ARPC2: variants seen among roughly 807,000 people sequenced by gnomAD.
The protein encoded by ARPC2 is actin-related protein 2/3 complex subunit 2.
Under a neutral mutation model 38.6 loss-of-function variants are expected in ARPC2, and 4 were observed. The observed-to-expected ratio is 0.10, with a 90% CI of 0.05 to 0.24. ARPC2 has a LOEUF of 0.24. Among genes scored for constraint, ARPC2 ranks in the 10% least tolerant of loss-of-function variants. ARPC2 has a pLI of 1.00. For synonymous variants in ARPC2, 125 were observed against 140.8 expected, an observed-to-expected ratio of 0.89 and a Z score of 0.79; for missense variants, 229 against 387.3, an observed-to-expected ratio of 0.59 and a Z score of 3.43.
intron 3 of ARPC2, among the ~76,000 whole-genome samples, chr2:218,228,231 C>T (rs369173530): frequency 2.0e-5 from 3 of 151,952 alleles, no homozygotes; most frequent in Non-Finnish European, 4.4e-5. Context: ...AGTGAAACCC[C>T]GTCTGTACTA....
intron 10 of ARPC2, among the ~76,000 whole-genome samples, chr2:218,252,589 A>C (rs1470771076): frequency 6.6e-6 from 1 of 152,202 alleles, no homozygotes; most frequent in African/African-American, 2.4e-5. Context: ...GTAGAGGCCA[A>C]GAGGTAAACT....
chr2:218,222,082 A>G (rs1689395156), intron 2 of ARPC2, among the ~76,000 whole-genome samples: 1 of 152,190 alleles, frequency 6.6e-6, no homozygotes. Context: ...AGCCTGGCCA[A>G]CATGACAAAA....
chr2:218,253,002 C>A (rs1690230590), intron 10 of ARPC2: 5 of 456,922 alleles, frequency 1.1e-5, no homozygotes, highest in African/African-American at 6.0e-5. Flanking sequence ...ACAGCTGCAT[C>A]CACCCTGAAA....
At chr2:218,248,146 C>G (rs1327696628) in intron 8 of ARPC2, among the ~76,000 whole-genome samples, 2 of 152,066 alleles carry the variant, frequency 1.3e-5, no homozygotes, top group African/African-American at 2.4e-5. Context: ...CATAGCATGT[C>G]ACACTTTAAT....
At chr2:218,220,634 C>G (rs1043904736) in intron 2 of ARPC2, among the ~76,000 whole-genome samples, 3 of 150,786 alleles carry the variant, frequency 2.0e-5, no homozygotes, top group African/African-American at 7.3e-5. Flanking sequence ...AATGATTCCT[C>G]TCAGATCATC....
intron 4 of ARPC2, among the ~76,000 whole-genome samples, chr2:218,232,423 T>C (rs1210639392): frequency 6.6e-6 from 1 of 152,252 alleles, no homozygotes; most frequent in East Asian, 1.9e-4. Context: ...AAATATGTTA[T>C]TTGACTCATG....
chr2:218,223,595 A>G (rs761373469), intron 2 of ARPC2, among the ~76,000 whole-genome samples: 11 of 152,196 alleles, frequency 7.2e-5, no homozygotes, highest in Non-Finnish European at 1.3e-4. Flanking sequence ...ACTGCTGGAC[A>G]TATATCATCT....
At position 218,225,902 on chromosome 2, in the gene ARPC2, C is replaced by T. The variant is rs776991188; in HGVS notation, c.75-18C>T. The T allele has an allele frequency of 6.2e-7, 1 of 1,613,142 alleles. No homozygotes were observed. On this transcript the variant is annotated intron_variant, in intron 2 of 10. Transcript: ENST00000315717. ...CAATACAGTCATCTTAACTGAGGAC[C>T]TTTTTTGTTGTTTACAGAAACAAAC... is the stretch of plus-strand genomic sequence containing the variant.
intron 5 of ARPC2, among the ~76,000 whole-genome samples, chr2:218,238,420 A>G (rs1689825104): frequency 6.6e-6 from 1 of 152,176 alleles, no homozygotes; most frequent in Non-Finnish European, 1.5e-5. Flanking sequence ...AGAATCTTAT[A>G]AAAATTAAGA....
chr2:218,227,292 TC>T (rs1689523382), intron 3 of ARPC2, among the ~76,000 whole-genome samples: 1 of 151,706 alleles, frequency 6.6e-6, no homozygotes, highest in African/African-American at 2.4e-5. Flanking sequence ...AAGAGGGGAG[TC>T]CTATAGATTA....
At chr2:218,232,532 G>C (rs1032224434) in intron 4 of ARPC2, among the ~76,000 whole-genome samples, 1 of 150,444 alleles carries the variant, frequency 6.6e-6, no homozygotes, top group Non-Finnish European at 1.5e-5. Context: ...AAGGGCAAGA[G>C]AGGGCCAGAC....
At chr2:218,240,405 T>C (rs1359774409) in intron 7 of ARPC2, among the ~76,000 whole-genome samples, 1 of 152,242 alleles carries the variant, frequency 6.6e-6, no homozygotes, top group East Asian at 1.9e-4. Context: ...CCCTAACCTC[T>C]TGTGTTTCCT....
At chr2:218,219,430 A>T (rs996826103) in intron 2 of ARPC2, among the ~76,000 whole-genome samples, 5 of 151,650 alleles carry the variant, frequency 3.3e-5, no homozygotes, top group Non-Finnish European at 5.9e-5. Context: ...GCTCACTGCA[A>T]CCTCGCCCTC....
intron 4 of ARPC2, among the ~76,000 whole-genome samples, chr2:218,230,287 C>CTTTTTT (rs768585570): frequency 1.3e-3 from 92 of 73,018 alleles, no homozygotes; most frequent in Non-Finnish European, 1.5e-3. Flanking sequence ...TTTTTTTTTT[C>CTTTTTT]TTTTTTTTTT....
At chr2:218,241,764 G>A (rs1410524291) in intron 7 of ARPC2, among the ~76,000 whole-genome samples, 1 of 152,254 alleles carries the variant, frequency 6.6e-6, no homozygotes, top group African/African-American at 2.4e-5. Context: ...GAAAGACAAA[G>A]CCTCTTTTGC....
chr2:218,252,317 T>C (rs1161496353), intron 10 of ARPC2, among the ~76,000 whole-genome samples: 2 of 152,182 alleles, frequency 1.3e-5, no homozygotes, highest in African/African-American at 4.8e-5. Flanking sequence ...TGCCATGCAA[T>C]GAAATGGCAG....
chr2:218,246,156 G>C (rs1196407660), intron 8 of ARPC2, among the ~76,000 whole-genome samples: 1 of 151,338 alleles, frequency 6.6e-6, no homozygotes, highest in African/African-American at 2.4e-5. Flanking sequence ...GGTGGAGGTT[G>C]TAATGAGCTG....
At chr2:218,250,401 C>T (rs1211352328) in intron 10 of ARPC2, among the ~76,000 whole-genome samples, 87 of 152,048 alleles carry the variant, frequency 5.7e-4, no homozygotes, top group Admixed American at 5.5e-3. Context: ...CTGTGGCTCA[C>T]GCCTGTAATC....
intron 2 of ARPC2, among the ~76,000 whole-genome samples, chr2:218,221,157 C>T (rs563118400): frequency 6.6e-6 from 1 of 152,266 alleles, no homozygotes; most frequent in East Asian, 1.9e-4. Context: ...CTGTCAGATG[C>T]AAATTGCTGT....
Sources: allele counts gnomAD v4.1 joint callset (sites outside exome capture counted in the v4.1 genomes callset), GRCh38; gene constraint gnomAD v4.1.1; transcripts MANE v1.5; gene names NCBI Gene and HGNC (gene_info 2026-07-23, HGNC 2026-07-21).